Variants in ZFPM2 observed in about 807,000 individuals in gnomAD.
ZFPM2 encodes zinc finger protein ZFPM2.
ZFPM2 carries 20 observed loss-of-function variants against 98.6 expected under a neutral mutation model. The ratio of observed to expected loss-of-function variants is 0.20; its 90% CI spans 0.14 to 0.29. The LOEUF (loss-of-function observed/expected upper bound fraction) is 0.29. Ranked by LOEUF, ZFPM2 falls within the 10% of genes least tolerant of loss-of-function variation. The probability of loss-of-function intolerance (pLI) is 1.00; values close to 1 mark genes in which losing one functional copy is unlikely to be tolerated. For synonymous variants in ZFPM2, 518 were observed against 502.7 expected (o/e 1.03, Z -0.41); for missense variants, 1,310 against 1,388.6 (o/e 0.94, Z 0.90).
chr8:105,736,564 C>A (rs529702708), intron 5 of ZFPM2, among the ~76,000 whole-genome samples: 1 of 152,020 alleles, frequency 6.6e-6, no homozygotes, highest in Admixed American at 6.6e-5. Context: ...AAATGCCAAG[C>A]ATATTGATAA....
intron 5 of ZFPM2, among the ~76,000 whole-genome samples, chr8:105,685,125 A>G (rs1810701137): frequency 6.6e-6 from 1 of 152,130 alleles, no homozygotes; most frequent in African/African-American, 2.4e-5. Context: ...ATGTCCAGCA[A>G]AGCTTTCTGT....
intron 4 of ZFPM2, among the ~76,000 whole-genome samples, chr8:105,603,195 A>G (rs529715886): frequency 2.0e-5 from 3 of 152,166 alleles, no homozygotes; most frequent in Admixed American, 1.3e-4. Context: ...ACCTCACATA[A>G]AAAGAGTTGG....
At chr8:105,582,177 TCCAC>T (rs1029152483) in intron 4 of ZFPM2, among the ~76,000 whole-genome samples, 7 of 152,304 alleles carry the variant, frequency 4.6e-5, no homozygotes, top group African/African-American at 1.7e-4. Context: ...TACTGACCAA[TCCAC>T]CCGGATATAT....
At chr8:105,496,351 A>G (rs1203560024) in intron 3 of ZFPM2, among the ~76,000 whole-genome samples, 1 of 151,846 alleles carries the variant, frequency 6.6e-6, no homozygotes, top group Non-Finnish European at 1.5e-5. Context: ...TCTTACCCCA[A>G]TCTATAACAG....
At chr8:105,365,832 G>A (rs745436130) in intron 1 of ZFPM2, among the ~76,000 whole-genome samples, 27 of 151,980 alleles carry the variant, frequency 1.8e-4, no homozygotes, top group African/African-American at 5.1e-4. Context: ...CAGTTTGTTC[G>A]GAAATTTGCA....
chr8:105,683,610 C>T lies in ZFPM2; in HGVS notation c.532+49253C>T, dbSNP rs557612122. On this transcript the variant is annotated intron_variant, in intron 5 of 7. Transcript: ENST00000407775. ...TCCTTCACAGCAATATTTCTGGCTT[C>T]TTTGCCATGTCTTATTATGTCCACG... 6.6e-5 allele frequency among the ~76,000 whole-genome samples: 10 copies of T among 152,240 alleles called. No homozygotes were observed. In the East Asian group the frequency reaches 1.9e-3, roughly 29 times the overall value.
intron 1 of ZFPM2, among the ~76,000 whole-genome samples, chr8:105,386,406 G>A (rs1810990484): frequency 6.6e-6 from 1 of 152,158 alleles, no homozygotes; most frequent in South Asian, 2.1e-4. Context: ...GAATTCGTGG[G>A]TTCTTGGTCT....
intron 1 of ZFPM2, among the ~76,000 whole-genome samples, chr8:105,364,583 C>G (rs965416188): frequency 1.3e-5 from 2 of 150,984 alleles, no homozygotes; most frequent in African/African-American, 4.9e-5. Context: ...AACCTCCAAA[C>G]TTTTTTATAA....
rs1246784173 is a variant in ZFPM2 at position 105,802,226 on chromosome 8, A to C, written c.2144A>C (p.Asp715Ala). 2 of 1,613,790 alleles carry C rather than the reference A, an allele frequency of 1.2e-6. No homozygotes were observed. The highest frequency in any genetic ancestry group is 4.5e-5 in the East Asian group (2 of 44,844). Reference protein sequence around the residue: ...HKQYYCATRHDPPLKRSASNK... With the variant: ...HKQYYCATRHAPPLKRSASNK... ...CAGTATTACTGTGCTACACGCCACG[A>C]CCCTCCACTGAAGAGGTCTGCTTCC... Residue 715 changes from aspartate to alanine, a missense_variant, in exon 8 of 8, where the codon GAC (aspartate) becomes GCC (alanine). Physicochemically the swap from Asp to Ala is moderately radical, Grantham distance 126 (BLOSUM62 -2). Transcript: ENST00000407775.
intron 4 of ZFPM2, among the ~76,000 whole-genome samples, chr8:105,574,367 G>A (rs1815418352): frequency 2.0e-5 from 3 of 152,174 alleles, no homozygotes; most frequent in African/African-American, 7.2e-5. Context: ...ACTGCCTTTT[G>A]AATGATCTTG....
intron 5 of ZFPM2, among the ~76,000 whole-genome samples, chr8:105,689,248 C>A (rs1810819203): frequency 6.6e-6 from 1 of 152,126 alleles, no homozygotes; most frequent in Admixed American, 6.6e-5. Context: ...ACACATCACA[C>A]TTTTTAAAAA....
intron 4 of ZFPM2, among the ~76,000 whole-genome samples, chr8:105,602,399 G>A (rs1816111416): frequency 6.6e-6 from 1 of 151,988 alleles, no homozygotes. Context: ...TTATCTCTTT[G>A]TCCAGTTAAT....
intron 1 of ZFPM2, among the ~76,000 whole-genome samples, chr8:105,381,021 C>T (rs1810877574): frequency 7.1e-6 from 1 of 140,324 alleles, no homozygotes; most frequent in African/African-American, 2.6e-5. Flanking sequence ...TGGTTTGCTG[C>T]ACCTATCAAC....
intron 5 of ZFPM2, among the ~76,000 whole-genome samples, chr8:105,638,071 A>G (rs1438537799): frequency 2.0e-5 from 3 of 146,742 alleles, no homozygotes; most frequent in Non-Finnish European, 4.6e-5. Flanking sequence ...TTTGTCCCCA[A>G]ACTCTCTCTC....
chr8:105,724,475 A>G (rs941430863), intron 5 of ZFPM2, among the ~76,000 whole-genome samples: 3 of 151,860 alleles, frequency 2.0e-5, no homozygotes, highest in African/African-American at 7.2e-5. Flanking sequence ...ACTAAACACA[A>G]TGAAAAAATG....
At chr8:105,415,144 A>G (rs1025471804) in intron 1 of ZFPM2, 15 of 152,068 alleles carry the variant, frequency 9.9e-5, no homozygotes, top group African/African-American at 3.6e-4. Flanking sequence ...ACTACTTTGC[A>G]CTCACCAGAA....
At chr8:105,774,331 TTTATAA>T (rs1374119679) in intron 5 of ZFPM2, among the ~76,000 whole-genome samples, 6 of 152,262 alleles carry the variant, frequency 3.9e-5, no homozygotes, top group Admixed American at 6.5e-5. Context: ...CAAACATCAA[TTTATAA>T]TTATATGTTA....
chr8:105,546,180 T>C lies in ZFPM2; in HGVS notation c.302-15183T>C, dbSNP rs111527934. Among the ~76,000 whole-genome samples, 209 of 152,298 alleles carry C rather than the reference T, an allele frequency of 1.4e-3. 2 individuals are homozygous for C. Among genetic ancestry groups the C allele is most frequent in the African/African-American group, 4.7e-3 (197 of 41,576 alleles). ...GAAAGTGGTTCTAGGTGAAGGCTAG[T>C]ACTAGATTGGCTAATTGCGATTATC... is the stretch of plus-strand genomic sequence containing the variant. On this transcript the variant is annotated intron_variant, in intron 3 of 7. Coordinates refer to ENST00000407775, the MANE Select transcript of ZFPM2 (RefSeq NM_012082.4).
intron 3 of ZFPM2, among the ~76,000 whole-genome samples, chr8:105,447,285 G>A (rs1208867940): frequency 6.6e-6 from 1 of 150,780 alleles, no homozygotes; most frequent in East Asian, 1.9e-4. Context: ...CACTATCTGG[G>A]AGATTTTTGG....
Sources: gnomAD v4.1 joint callset for allele counts (sites outside exome capture counted in the v4.1 genomes callset) on GRCh38, gnomAD v4.1.1 for gene constraint, MANE v1.5 for transcripts, NCBI Gene and HGNC (gene_info 2026-07-23, HGNC 2026-07-21) for gene names.